Variants in F11R observed in about 807,000 individuals in gnomAD.
F11R encodes the protein junctional adhesion molecule A.
F11R carries 27 observed loss-of-function variants against 39.3 expected under a neutral mutation model. The observed-to-expected ratio is 0.69, with a 90% CI of 0.51 to 0.95. The LOEUF (loss-of-function observed/expected upper bound fraction) is 0.95, where lower values mean the gene tolerates loss of function less well. Among genes scored for constraint, F11R ranks in the 40% least tolerant of loss-of-function variants. The pLI, the probability that F11R is intolerant of heterozygous loss-of-function variation, is 0.00. For missense variants in F11R, 335 were observed against 372.7 expected (o/e 0.90, Z 0.83); for synonymous variants, 131 against 144.9 (o/e 0.90, Z 0.69).
Position 161,012,600 on chromosome 1 carries a change from TTTTA to T in F11R, c.64+8406_64+8409del, listed in dbSNP as rs10649944. On this transcript the variant is annotated intron_variant, in intron 1 of 9. Transcript: ENST00000368026. ...CTTTTGTGTCGTTTGAATTAATTAA[TTTTA>T]TTTATTTATTTATTTATTTATTTAT... 2.0e-3 allele frequency among the ~76,000 whole-genome samples: 288 copies of T among 144,228 alleles called. 2 individuals carry two copies. The highest frequency in any genetic ancestry group is 5.0e-3 in the East Asian group (25 of 4,972). 94.6% of individuals were successfully genotyped at this position (144,228 alleles called of 152,430 possible).
In F11R at chr1:161,001,141, C is replaced by G. The variant is rs767220134; in HGVS notation, c.134-14G>C. On this transcript the variant is annotated splice_polypyrimidine_tract_variant and intron_variant, in intron 2 of 9. Coordinates refer to ENST00000368026, the MANE Select transcript of F11R (RefSeq NM_016946.6). ...ACAACTTCACAGCTGCAGACAGGGT[C>G]AAAATGAGCCGAAGGAAGAAGCAGC... The G allele has an allele frequency of 2.5e-6, 4 of 1,612,322 alleles. No homozygotes were observed. The East Asian group carries it at 8.9e-5, about 36-fold the overall frequency.
chr1:161,004,368 T>C (rs1273132943), intron 1 of F11R, among the ~76,000 whole-genome samples: 4 of 152,258 alleles, frequency 2.6e-5, no homozygotes, highest in African/African-American at 4.8e-5. Context: ...GAGACCAGCC[T>C]GGCCAACGTG....
At chr1:161,011,436 G>C (rs1245934034) in intron 1 of F11R, among the ~76,000 whole-genome samples, 1 of 151,616 alleles carries the variant, frequency 6.6e-6, no homozygotes, top group Non-Finnish European at 1.5e-5. Context: ...GAATAATGTA[G>C]AAAGGACCTT....
Position 161,001,054 on chromosome 1 carries a change from G to A in F11R, c.207C>T (p.Thr69=), listed in dbSNP as rs1648453330. The change falls in exon 3 of 10, where the codon ACC becomes ACT. Residue 69 remains threonine (T), a synonymous_variant. Transcript: ENST00000368026. The part of the protein sequence containing the change: ...RVEWKFDQGD[T]TRLVCYNNKI... ...TGTTATTATAGCAAACGAGTCTGGT[G>A]GTGTCTCCTTGGTCAAACTTCCACT... 1 of 1,613,994 alleles carries A rather than the reference G, an allele frequency of 6.2e-7. No homozygotes were observed. Among genetic ancestry groups the A allele is most frequent in the South Asian group, 1.1e-5 (1 of 91,078 alleles).
Position 160,999,411 on chromosome 1 carries a change from G to A in F11R, c.803-3C>T. 1 of 1,614,192 alleles carries A rather than the reference G, an allele frequency of 6.2e-7. No individual in the cohort carries two copies. Among genetic ancestry groups the A allele is most frequent in the Non-Finnish European group, 8.5e-7 (1 of 1,180,036 alleles). ...CCTCACTCACCCTTTCTTTGTTCCT[G>A]AAAGAGAAGAAATGGGATCATGAGT... On this transcript the variant is annotated splice_polypyrimidine_tract_variant and splice_region_variant and intron_variant, in intron 7 of 9. Transcript: ENST00000368026.
intron 1 of F11R, among the ~76,000 whole-genome samples, chr1:161,004,106 A>C (rs1648657954): frequency 6.6e-6 from 1 of 152,002 alleles, no homozygotes; most frequent in African/African-American, 2.4e-5. Flanking sequence ...CATGTTGTCC[A>C]GGCTGGAATT....
intron 2 of F11R, 25 bp from the exon 3 acceptor site, chr1:161,001,152 G>A (rs756063959): frequency 2.1e-5 from 33 of 1,608,832 alleles, no homozygotes; most frequent in African/African-American, 1.3e-4. Context: ...AAAATGAGCC[G>A]AAGGAAGAAG....
At chr1:161,015,975 C>T (rs570713913) in intron 1 of F11R, among the ~76,000 whole-genome samples, 6 of 152,034 alleles carry the variant, frequency 3.9e-5, no homozygotes, top group Non-Finnish European at 5.9e-5. Context: ...TATCTTGAAT[C>T]GGAACTGGGC....
chr1:161,007,991 C>G (rs1457204603), intron 1 of F11R, among the ~76,000 whole-genome samples: 2 of 152,178 alleles, frequency 1.3e-5, no homozygotes, highest in Non-Finnish European at 2.9e-5. Flanking sequence ...TCACAGCCCC[C>G]CTTTTGCACT....
intron 1 of F11R, among the ~76,000 whole-genome samples, chr1:161,010,230 G>A (rs1649055912): frequency 1.3e-5 from 2 of 151,960 alleles, no homozygotes; most frequent in African/African-American, 4.8e-5. Context: ...CGGATCACAA[G>A]GTCAGGAGTT....
At position 161,017,184 on chromosome 1, in the gene F11R, C is replaced by T. The variant is rs904279937; in HGVS notation, c.64+3826G>A. On this transcript the variant is annotated intron_variant, in intron 1 of 9. Transcript: ENST00000368026. ...AGCCAGGTATTGTCCAAGGTTTCTC[C>T]CCATGTGATAGTCTGAAATATGGCC... 1.6e-4 allele frequency among the ~76,000 whole-genome samples: 25 copies of T among 152,252 alleles called. 1 individual carries two copies. The highest frequency in any genetic ancestry group is 6.0e-4 in the African/African-American group (25 of 41,548).
intron 7 of F11R, 102 bp downstream of exon 7, chr1:160,999,537 CA>C: frequency 2.0e-6 from 3 of 1,511,950 alleles, no homozygotes; most frequent in Non-Finnish European, 2.8e-6. Flanking sequence ...GGACAACACC[CA>C]CACACATGAG....
chr1:161,019,296 A>G (rs571223150), intron 1 of F11R, among the ~76,000 whole-genome samples: 1 of 152,264 alleles, frequency 6.6e-6, no homozygotes, highest in Non-Finnish European at 1.5e-5. Context: ...CTCAAAGAGT[A>G]GAAAAAAAGG....
At chr1:161,019,657 G>A (rs141849329) in intron 1 of F11R, among the ~76,000 whole-genome samples, 65 of 151,764 alleles carry the variant, frequency 4.3e-4, no homozygotes, top group Non-Finnish European at 6.9e-4. Flanking sequence ...TAAGTTTAAA[G>A]GTAAGTAAGA....
At position 160,998,641 on chromosome 1, in the gene F11R, C is replaced by T; in HGVS notation, c.*230G>A. ...ATCCCTCAAAGAAATGGGGAATAAA[C>T]ACTTTAAACAAGTTCCAGGCCACTC... On this transcript the variant is annotated 3_prime_UTR_variant, in exon 10 of 10. Coordinates refer to ENST00000368026, the MANE Select transcript of F11R (RefSeq NM_016946.6). The T allele has an allele frequency of 8.4e-6, 5 of 597,622 alleles. No homozygotes were observed. Among genetic ancestry groups the T allele is most frequent in the Non-Finnish European group, 1.5e-5 (5 of 335,348 alleles). The allele number at this position is 597,622 out of a possible 1,614,324, so 37.0% of individuals were successfully genotyped here.
At position 160,997,824 on chromosome 1, in the gene F11R, AAC is replaced by A; in HGVS notation, c.*1045_*1046del. The stretch of plus-strand genomic sequence containing the variant: ...TTTCAGCATACAGCTAAGACTACAC[AAC>A]ACACACACAAGCTCAACAAAGAGCT... On this transcript the variant is annotated 3_prime_UTR_variant, in exon 10 of 10. Coordinates refer to ENST00000368026, the MANE Select transcript of F11R (RefSeq NM_016946.6). 2 of 153,208 alleles carry A rather than the reference AAC, an allele frequency of 1.3e-5. No homozygotes were observed. Among genetic ancestry groups the A allele is most frequent in the Non-Finnish European group, 2.9e-5 (2 of 68,162 alleles). The allele number at this position is 153,208 out of a possible 1,614,324, so 9.5% of individuals were successfully genotyped here. A position where few individuals can be genotyped will look rare whatever the true frequency, so the allele number is the denominator to read the frequency against.
At position 161,001,052 on chromosome 1, in the gene F11R, G is replaced by T. The variant is rs1235601150; in HGVS notation, c.209C>A (p.Thr70Asn). Residue 70 changes from threonine to asparagine, a missense_variant, in exon 3 of 10, where the codon ACC becomes AAC. Thr to Asn is a moderately conservative substitution (Grantham distance 65, BLOSUM62 0). Transcript: ENST00000368026. Reference sequence around the variant, plus strand: ...CTTGTTATTATAGCAAACGAGTCTGGTGGTGTCTCCTTGGTCAAACTTCCA... The same window carrying T: ...CTTGTTATTATAGCAAACGAGTCTGTTGGTGTCTCCTTGGTCAAACTTCCA... ...VEWKFDQGDTTRLVCYNNKIT... is the reference protein window; with the variant it reads ...VEWKFDQGDTNRLVCYNNKIT... 1.2e-6 allele frequency: 2 copies of T among 1,614,124 alleles called. No individual in the cohort carries two copies.
intron 1 of F11R, among the ~76,000 whole-genome samples, chr1:161,005,167 A>AAATAATAAT (rs71090350): frequency 0.14 from 20,610 of 144,956 alleles, 1,771 homozygotes; most frequent in Non-Finnish European, 0.19. Context: ...CTCAAAAATA[A>AAATAATAAT]AATAATAATA....
chr1:161,011,784 AT>A, intron 1 of F11R, among the ~76,000 whole-genome samples: 1 of 152,134 alleles, frequency 6.6e-6, no homozygotes, highest in East Asian at 1.9e-4. Context: ...TCACACATTA[AT>A]TCATAAAGAC....
Sources: gnomAD v4.1 joint callset for allele counts (sites outside exome capture counted in the v4.1 genomes callset) on GRCh38, gnomAD v4.1.1 for gene constraint, MANE v1.5 for transcripts, NCBI Gene and HGNC (gene_info 2026-07-23, HGNC 2026-07-21) for gene names.